Variants in ACSBG2 observed in about 807,000 individuals in gnomAD.
ACSBG2 encodes the protein acyl-CoA synthetase bubblegum family member 2, also known as long-chain-fatty-acid--CoA ligase ACSBG2.
A neutral mutation model predicts 74.7 loss-of-function variants in ACSBG2; 62 were observed. The ratio of observed to expected loss-of-function variants is 0.83; its 90% CI spans 0.68 to 1.03. The LOEUF is 1.03. Among genes scored for constraint, ACSBG2 ranks in the 50% least tolerant of loss-of-function variants. The pLI is 0.00. For missense variants in ACSBG2, 730 were observed against 817.6 expected (o/e 0.89, Z 1.31); for synonymous variants, 309 against 294.1 (o/e 1.05, Z -0.52).
chr19:6,149,754 T>G (rs2089167727), intron 3 of ACSBG2, among the ~76,000 whole-genome samples: 1 of 151,962 alleles, frequency 6.6e-6, no homozygotes. Flanking sequence ...GAGATCCACG[T>G]GCCTTGGCCT....
intron 8 of ACSBG2, among the ~76,000 whole-genome samples, chr19:6,178,086 TTTAAGTA>T (rs909373907): frequency 2.0e-5 from 3 of 152,174 alleles, no homozygotes; most frequent in Admixed American, 1.3e-4. Context: ...ACTTATACCC[TTTAAGTA>T]TTATCTTTTG....
At chr19:6,148,646 A>AG (rs1268187752) in intron 3 of ACSBG2, among the ~76,000 whole-genome samples, 2 of 77,246 alleles carry the variant, frequency 2.6e-5, no homozygotes, top group Non-Finnish European at 5.7e-5. Flanking sequence ...GGTGTCATAA[A>AG]GAAAAAAAAA....
intron 8 of ACSBG2, 83 bp downstream of exon 8, chr19:6,177,479 G>A: frequency 7.0e-7 from 1 of 1,427,838 alleles, no homozygotes; most frequent in South Asian, 1.5e-5. Flanking sequence ...TCATTCGACA[G>A]ATTTTTTGGG....
Position 6,166,004 on chromosome 19 carries a change from A to C in ACSBG2, c.727A>C (p.Ser243Arg). ...TTGIPKGVML[S>R]HDNITWIAGA... ...AGGCATACCCAAGGGAGTGATGCTC[A>C]GTCATGACAACGTACGCCAAAGTCC... The change falls in exon 7 of 15, where the codon AGT becomes CGT. Residue 243 changes from serine (S) to arginine (R), a missense_variant. Transcript: ENST00000588485. The C allele has an allele frequency of 6.2e-7, 1 of 1,614,000 alleles. No individual in the cohort carries two copies. The highest frequency in any genetic ancestry group is 8.5e-7 in the Non-Finnish European group (1 of 1,179,920).
At position 6,165,761 on chromosome 19, in the gene ACSBG2, C is replaced by T. The variant is rs945120765; in HGVS notation, c.589-105C>T. The stretch of plus-strand genomic sequence containing the variant: ...GACTGGCACATCCTAAGCCCTTCCA[C>T]CTGCTGAGGATCATTCTTTAGGAAA... On this transcript the variant is annotated intron_variant, in intron 6 of 14. Coordinates refer to ENST00000588485, the MANE Select transcript of ACSBG2 (RefSeq NM_030924.5). 1.6e-5 allele frequency: 22 copies of T among 1,397,374 alleles called. No homozygotes were observed. The African/African-American group carries it at 2.7e-4, about 17-fold the overall frequency. 86.6% of individuals were successfully genotyped at this position (1,397,374 alleles called of 1,614,324 possible).
In ACSBG2 at chr19:6,185,446, A is replaced by G. The variant is rs764354336; in HGVS notation, c.1333A>G (p.Ile445Val). ...NNYRLLSCGK[I>V]LTGCKNMLFQ... is the part of the protein sequence containing the mutation. ...TCTGTCCCCTGGCAGCTGTGGCAAGATCTTGACTGGGTGTAAGAATATGCT... is the reference window on the plus strand; with the variant it reads ...TCTGTCCCCTGGCAGCTGTGGCAAGGTCTTGACTGGGTGTAAGAATATGCT... Residue 445 changes from isoleucine to valine, a missense_variant, in exon 11 of 15, where the codon ATC (isoleucine) becomes GTC (valine). By Grantham distance (29) the Ile-to-Val change is conservative. Coordinates refer to ENST00000588485, the MANE Select transcript of ACSBG2 (RefSeq NM_030924.5). The G allele has an allele frequency of 6.8e-6, 11 of 1,614,038 alleles. No homozygotes were observed. The Middle Eastern group carries it at 9.9e-4, about 145-fold the overall frequency.
rs763003149 is a variant in ACSBG2, at chr19:6,187,607, G to C, written c.1689G>C (p.Met563Ile). Residue 563 changes from methionine to isoleucine, a missense_variant, in exon 13 of 15, where the codon ATG becomes ATC. Coordinates refer to ENST00000588485, the MANE Select transcript of ACSBG2 (RefSeq NM_030924.5). ...GAGGTGTCTGGGGGCAGTGTGAGAT[G>C]AATCAGATGAGCGGAGAACCTCTGG... The part of the protein sequence containing the change: ...LSMLLTLKCE[M>I]NQMSGEPLDK... 4.3e-6 allele frequency: 7 copies of C among 1,613,984 alleles called. No homozygotes were observed. The highest frequency in any genetic ancestry group is 8.5e-7 in the Non-Finnish European group (1 of 1,180,022).
chr19:6,189,124 G>C (rs74550808), intron 13 of ACSBG2, among the ~76,000 whole-genome samples: 9,426 of 152,058 alleles, frequency 0.062, 826 homozygotes, highest in African/African-American at 0.2. Context: ...ATTTTAGTTT[G>C]TCCCCCTCCC....
chr19:6,190,802 C>CAT (rs2090541055), intron 14 of ACSBG2, 110 bp downstream of exon 14: 3 of 563,186 alleles, frequency 5.3e-6, no homozygotes, highest in East Asian at 3.4e-5. Context: ...CACACACATA[C>CAT]ACACATACAT....
chr19:6,140,943 T>G (rs1223372105), intron 1 of ACSBG2, among the ~76,000 whole-genome samples: 1 of 152,200 alleles, frequency 6.6e-6, no homozygotes, highest in East Asian at 1.9e-4. Flanking sequence ...CTTTGCCCGC[T>G]TTCCCATTGG....
At position 6,166,012 on chromosome 19, in the gene ACSBG2, C is replaced by A; in HGVS notation, c.735C>A (p.Asp245Glu). The A allele has an allele frequency of 6.2e-7, 1 of 1,613,880 alleles. No individual in the cohort carries two copies. The highest frequency in any genetic ancestry group is 8.5e-7 in the Non-Finnish European group (1 of 1,179,886). ...CCAAGGGAGTGATGCTCAGTCATGA[C>A]AACGTACGCCAAAGTCCCTTTGCTC... ...GIPKGVMLSH[D>E]NITWIAGAVT... Residue 245 changes from aspartate (D) to glutamate (E), a missense_variant, in exon 7 of 15, where the codon GAC becomes GAA. Asp to Glu is a conservative substitution (Grantham distance 45, BLOSUM62 2). Transcript: ENST00000588485.
At chr19:6,191,388 A>G (rs191325091) in intron 14 of ACSBG2, 74 of 152,348 alleles carry the variant, frequency 4.9e-4, no homozygotes, top group Non-Finnish European at 9.6e-4. Flanking sequence ...CTGGGGCTAC[A>G]TTACAAAGTA....
intron 8 of ACSBG2, among the ~76,000 whole-genome samples, chr19:6,182,365 T>C (rs972236648): frequency 1.3e-5 from 2 of 152,206 alleles, no homozygotes; most frequent in African/African-American, 4.8e-5. Context: ...TCATTGAACC[T>C]GTAAGCTGTT....
At chr19:6,169,581 T>C (rs2089907258) in intron 7 of ACSBG2, among the ~76,000 whole-genome samples, 1 of 152,208 alleles carries the variant, frequency 6.6e-6, no homozygotes, top group Non-Finnish European at 1.5e-5. Flanking sequence ...TCTGGTTCCA[T>C]ATAAATTTTA....
intron 8 of ACSBG2, among the ~76,000 whole-genome samples, chr19:6,181,816 C>CCCCCCCCCCCCCA (rs2090265797): frequency 9.3e-6 from 1 of 107,330 alleles, no homozygotes; most frequent in African/African-American, 3.8e-5. Context: ...CCCACCCGCC[C>CCCCCCCCCCCCCA]CCCCCCCCAA....
At chr19:6,169,045 T>C (rs2089894167) in intron 7 of ACSBG2, among the ~76,000 whole-genome samples, 3 of 152,152 alleles carry the variant, frequency 2.0e-5, no homozygotes, top group Admixed American at 1.3e-4. Context: ...TCCCAAAGTG[T>C]TGGAATTACA....
chr19:6,176,665 T>C lies in ACSBG2; in HGVS notation c.739-564T>C, dbSNP rs1189360886. 3.3e-5 allele frequency among the ~76,000 whole-genome samples: 5 copies of C among 151,762 alleles called. 1 individual carries two copies. In the East Asian group the frequency reaches 9.9e-4, roughly 30 times the overall value. On this transcript the variant is annotated intron_variant, in intron 7 of 14. Transcript: ENST00000588485. ...CATCCTCTTGGGCAGCCCAGATGAG[T>C]AGATGGTTGTTAATCATTCGACAGA...
intron 7 of ACSBG2, among the ~76,000 whole-genome samples, chr19:6,168,078 C>T (rs897477127): frequency 5.3e-5 from 8 of 151,878 alleles, no homozygotes; most frequent in Non-Finnish European, 8.8e-5. Flanking sequence ...CCATGGCTCC[C>T]ACTTCCCTCC....
intron 3 of ACSBG2, among the ~76,000 whole-genome samples, chr19:6,150,493 A>G (rs2089199694): frequency 6.6e-6 from 1 of 152,170 alleles, no homozygotes; most frequent in Non-Finnish European, 1.5e-5. Flanking sequence ...CCGCCCATAC[A>G]AGGGAATATG....
Sources: gnomAD v4.1 joint callset for allele counts (sites outside exome capture counted in the v4.1 genomes callset) on GRCh38, gnomAD v4.1.1 for gene constraint, MANE v1.5 for transcripts, NCBI Gene and HGNC (gene_info 2026-07-23, HGNC 2026-07-21) for gene names.